The following PLIN3 variants were observed in gnomAD, a reference collection of about 807,000 sequenced individuals.
The protein encoded by PLIN3 is perilipin-3.
A neutral mutation model predicts 35.9 loss-of-function variants in PLIN3; 30 were observed. The observed-to-expected ratio is 0.84, with a 90% CI of 0.62 to 1.13. The LOEUF is 1.13. Ranked by LOEUF, PLIN3 falls within the 50% of genes most tolerant of loss-of-function variation. PLIN3 has a pLI of 0.00. For missense variants in PLIN3, 603 were observed against 596.9 expected (o/e 1.01, Z -0.11); for synonymous variants, 261 against 262.5 (o/e 0.99, Z 0.06).
intron 7 of PLIN3, among the ~76,000 whole-genome samples, chr19:4,842,463 G>A (rs1206106124): frequency 1.3e-5 from 2 of 151,676 alleles, no homozygotes; most frequent in Non-Finnish European, 2.9e-5. Flanking sequence ...AGCTGGGCGT[G>A]GTGGCAGGTG....
At chr19:4,843,177 G>T (rs2029959856) in intron 7 of PLIN3, among the ~76,000 whole-genome samples, 1 of 150,882 alleles carries the variant, frequency 6.6e-6, no homozygotes, top group South Asian at 2.1e-4. Flanking sequence ...AGCTGAGATT[G>T]TGCCACTGCA....
chr19:4,861,301 G>A (rs770352813), intron 2 of PLIN3, 28 bp downstream of exon 2: 4 of 1,595,430 alleles, frequency 2.5e-6, no homozygotes, highest in East Asian at 4.5e-5. Context: ...CAGGGTCGGG[G>A]CAGTCCCTGG....
chr19:4,861,119 CT>C (rs1403393936), intron 2 of PLIN3, among the ~76,000 whole-genome samples: 1 of 152,192 alleles, frequency 6.6e-6, no homozygotes, highest in African/African-American at 2.4e-5. Context: ...CAGAACCCTG[CT>C]CCCTCAGGCC....
chr19:4,844,513 C>T (rs1038183152), intron 7 of PLIN3, among the ~76,000 whole-genome samples, 155 bp downstream of exon 7: 1 of 152,118 alleles, frequency 6.6e-6, no homozygotes, highest in African/African-American at 2.4e-5. Context: ...GAGGAGAAAT[C>T]AAGGCAGGCT....
rs2093625790 is a variant in PLIN3 at position 4,839,472 on chromosome 19, G to A, written c.1025C>T (p.Thr342Ile). Residue 342 changes from threonine to isoleucine, a missense_variant, in exon 8 of 8, where the codon ACC (threonine) becomes ATC (isoleucine). By Grantham distance (89) the Thr-to-Ile change is moderately conservative. Transcript: ENST00000221957. ...GCCCTGAATGCTGGACCCCAGGGAG[G>A]TACAGGTGGCCTGCAGTTGCTGGGC... ...DIAQQLQATC[T>I]SLGSSIQGLP... 1 of 1,562,992 alleles carries A rather than the reference G, an allele frequency of 6.4e-7. No individual in the cohort carries two copies. The highest frequency in any genetic ancestry group is 8.7e-7 in the Non-Finnish European group (1 of 1,149,420).
At chr19:4,843,769 G>A (rs1175532520) in intron 7 of PLIN3, among the ~76,000 whole-genome samples, 2 of 152,076 alleles carry the variant, frequency 1.3e-5, no homozygotes, top group Middle Eastern at 3.2e-3. Context: ...CTGCAATGGC[G>A]AGGCCACAGT....
intron 1 of PLIN3, among the ~76,000 whole-genome samples, chr19:4,862,875 G>A (rs2030719658): frequency 6.6e-6 from 1 of 151,978 alleles, no homozygotes; most frequent in Non-Finnish European, 1.5e-5. Flanking sequence ...AACAACAAGT[G>A]TGGCCAGACA....
chr19:4,860,809 A>G (rs760162591), intron 2 of PLIN3, among the ~76,000 whole-genome samples: 5 of 152,006 alleles, frequency 3.3e-5, no homozygotes, highest in Non-Finnish European at 5.9e-5. Context: ...CGTCTCTACT[A>G]AAAATACAAA....
chr19:4,847,098 C>T (rs1009606322), intron 6 of PLIN3, among the ~76,000 whole-genome samples: 1 of 151,904 alleles, frequency 6.6e-6, no homozygotes, highest in Non-Finnish European at 1.5e-5. Flanking sequence ...CCATGTTGGC[C>T]AGGCTGGTCT....
At chr19:4,850,410 A>G in intron 5 of PLIN3, among the ~76,000 whole-genome samples, 1 of 150,410 alleles carries the variant, frequency 6.6e-6, no homozygotes, top group Non-Finnish European at 1.5e-5. Context: ...GCACCTGGCT[A>G]ATGTTTATTT....
At chr19:4,858,270 CAAAAAAAAAAAAA>C (rs1188330437) in intron 4 of PLIN3, among the ~76,000 whole-genome samples, 3 of 51,238 alleles carry the variant, frequency 5.9e-5, no homozygotes, top group Admixed American at 6.3e-4. Context: ...GACCCCGTCT[CAAAAAAAAAAAAA>C]AAAAAAAAAA....
At chr19:4,853,931 C>CTTT (rs60685106) in intron 4 of PLIN3, among the ~76,000 whole-genome samples, 10 of 142,446 alleles carry the variant, frequency 7.0e-5, no homozygotes, top group Non-Finnish European at 1.1e-4. Context: ...GAATCTAAGT[C>CTTT]TTTTTTTTTT....
intron 7 of PLIN3, among the ~76,000 whole-genome samples, chr19:4,843,400 C>T (rs1364659182): frequency 1.3e-5 from 2 of 150,254 alleles, no homozygotes; most frequent in African/African-American, 2.5e-5. Context: ...CCCAGATACT[C>T]GGGAGGCTGA....
intron 7 of PLIN3, 91 bp from the exon 8 acceptor site, chr19:4,839,627 C>T: frequency 1.0e-6 from 1 of 973,792 alleles, no homozygotes. Context: ...AAGAGGGGTT[C>T]TACCACTGAC....
Position 4,852,240 on chromosome 19 carries a change from G to A in PLIN3, c.410C>T (p.Ser137Phe). 6.2e-7 allele frequency: 1 copy of A among 1,609,342 alleles called. No homozygotes were observed. The highest frequency in any genetic ancestry group is 8.5e-7 in the Non-Finnish European group (1 of 1,180,004). ...GGTGGCCACCGTGTCCTTGGCGCTA[G>A]ACACCATCTCTTGGGCCCCCGACAC... ...SKVSGAQEMV[S>F]SAKDTVATQL... The change falls in exon 5 of 8, where the codon TCT becomes TTT. Residue 137 changes from serine (S) to phenylalanine (F), a missense_variant. By Grantham distance (155) the Ser-to-Phe change is radical. Transcript: ENST00000221957.
intron 4 of PLIN3, among the ~76,000 whole-genome samples, chr19:4,854,502 C>T (rs963451612): frequency 3.3e-5 from 5 of 152,056 alleles, no homozygotes; most frequent in African/African-American, 1.2e-4. Context: ...CTCCCAGGTT[C>T]AAGCGGTTCT....
intron 4 of PLIN3, among the ~76,000 whole-genome samples, chr19:4,856,625 A>G (rs958810865): frequency 2.0e-5 from 3 of 151,718 alleles, no homozygotes; most frequent in African/African-American, 7.3e-5. Flanking sequence ...CACAGCCACA[A>G]AGCAGGCAGC....
intron 4 of PLIN3, among the ~76,000 whole-genome samples, chr19:4,857,265 C>G (rs925575811): frequency 6.6e-6 from 1 of 151,712 alleles, no homozygotes; most frequent in Non-Finnish European, 1.5e-5. Flanking sequence ...TGGCGAGACT[C>G]CGTCTTGACA....
rs546394907 is a variant in PLIN3 at position 4,865,872 on chromosome 19, C to T, written c.-18+1737G>A. Among the ~76,000 whole-genome samples, 19 of 151,642 alleles carry T rather than the reference C, an allele frequency of 1.3e-4. No homozygotes were observed. The East Asian group carries it at 3.1e-3, about 25-fold the overall frequency. On this transcript the variant is annotated intron_variant, in intron 1 of 7. Transcript: ENST00000221957. ...CCGAGTAGCTGGGACCACAGGCGCCCGCCACCACGCCTGGCTAATTGTTTG... is the reference window on the plus strand; with the variant it reads ...CCGAGTAGCTGGGACCACAGGCGCCTGCCACCACGCCTGGCTAATTGTTTG...
Sources: allele counts gnomAD v4.1 joint callset (sites outside exome capture counted in the v4.1 genomes callset), GRCh38; gene constraint gnomAD v4.1.1; transcripts MANE v1.5; gene names NCBI Gene and HGNC (gene_info 2026-07-23, HGNC 2026-07-21).